Variants in SOX5 observed in about 807,000 individuals in gnomAD.
The protein encoded by SOX5 is SRY-box transcription factor 5, also known as transcription factor SOX-5.
A neutral mutation model predicts 92.0 loss-of-function variants in SOX5; 9 were observed. That is an observed-to-expected ratio of 0.10 (90% CI 0.06 to 0.17). SOX5 has a LOEUF of 0.17. Ranked by LOEUF, SOX5 falls within the 10% of genes least tolerant of loss-of-function variation. SOX5 has a pLI of 1.00. For missense variants in SOX5, 642 were observed against 944.5 expected (o/e 0.68, Z 4.20); for synonymous variants, 344 against 336.3 (o/e 1.02, Z -0.25).
Position 23,871,275 on chromosome 12 carries a change from T to C in SOX5, c.270+24518A>G, listed in dbSNP as rs138074401. Among the ~76,000 whole-genome samples, 339 of 152,320 alleles carry C rather than the reference T, an allele frequency of 2.2e-3. 1 individual carries two copies. Among genetic ancestry groups the C allele is most frequent in the African/African-American group, 7.7e-3 (320 of 41,584 alleles). On this transcript the variant is annotated intron_variant, in intron 2 of 14. Coordinates refer to ENST00000451604, the MANE Select transcript of SOX5 (RefSeq NM_006940.6). ...CTATATGTGTAATTGCTACATTTTA[T>C]GTAACACACAAAATGAATTAACATA...
intron 3 of SOX5, among the ~76,000 whole-genome samples, chr12:23,772,590 G>T (rs369646938): frequency 6.6e-6 from 1 of 152,148 alleles, no homozygotes; most frequent in African/African-American, 2.4e-5. Context: ...TAACCTTTAA[G>T]TGCTTTACAT....
intron 2 of SOX5, among the ~76,000 whole-genome samples, chr12:23,878,121 C>T (rs1011351821): frequency 6.6e-6 from 1 of 151,938 alleles, no homozygotes; most frequent in Non-Finnish European, 1.5e-5. Context: ...ATACTCTTCA[C>T]GCTGTTATTT....
intron 1 of SOX5, among the ~76,000 whole-genome samples, chr12:24,540,579 G>A (rs1483487049): frequency 6.6e-6 from 1 of 151,988 alleles, no homozygotes; most frequent in Non-Finnish European, 1.5e-5. Context: ...AGCCAATTCT[G>A]GTGAATTAAA....
At chr12:23,574,498 CCAGATA>C (rs1163579097) in intron 10 of SOX5, among the ~76,000 whole-genome samples, 1 of 152,182 alleles carries the variant, frequency 6.6e-6, no homozygotes, top group Non-Finnish European at 1.5e-5. Context: ...TTGACCTTTA[CCAGATA>C]CATTCTATTG....
chr12:23,660,238 TAC>T (rs2139291753), intron 7 of SOX5, among the ~76,000 whole-genome samples: 1 of 152,342 alleles, frequency 6.6e-6, no homozygotes, highest in South Asian at 2.1e-4. Flanking sequence ...TTGCTCGTAC[TAC>T]ATTATCTCAG....
At chr12:24,147,455 A>G (rs138858539) in intron 4 of SOX5, among the ~76,000 whole-genome samples, 72 of 152,298 alleles carry the variant, frequency 4.7e-4, no homozygotes, top group African/African-American at 1.7e-3. Context: ...CCTACAAAAA[A>G]CTTACAGGTA....
At chr12:24,157,659 A>G (rs1952331339) in intron 4 of SOX5, among the ~76,000 whole-genome samples, 1 of 152,130 alleles carries the variant, frequency 6.6e-6, no homozygotes, top group Non-Finnish European at 1.5e-5. Context: ...TTCCTATTAG[A>G]CAACCTGTCC....
chr12:23,748,575 C>T (rs1042871325), intron 4 of SOX5, among the ~76,000 whole-genome samples: 1 of 151,814 alleles, frequency 6.6e-6, no homozygotes, highest in African/African-American at 2.4e-5. Context: ...AGTAAACTCA[C>T]TTTAGAAAAA....
At chr12:24,165,762 GAGAA>G in intron 4 of SOX5, among the ~76,000 whole-genome samples, 1 of 152,206 alleles carries the variant, frequency 6.6e-6, no homozygotes, top group Admixed American at 6.5e-5. Flanking sequence ...AGAGGAAGAA[GAGAA>G]AGAAAGGGCT....
At chr12:24,474,476 A>T (rs918109694) in intron 1 of SOX5, among the ~76,000 whole-genome samples, 4 of 152,210 alleles carry the variant, frequency 2.6e-5, no homozygotes, top group Non-Finnish European at 4.4e-5. Flanking sequence ...CTGTGCAAAA[A>T]ATGTAAAAGA....
intron 2 of SOX5, among the ~76,000 whole-genome samples, chr12:24,285,690 T>G (rs546922783): frequency 2.0e-5 from 3 of 152,330 alleles, no homozygotes; most frequent in Admixed American, 2.0e-4. Context: ...ATGTTTAACA[T>G]GTAGTCATTT....
chr12:24,419,083 C>T lies in SOX5; in HGVS notation c.-250-50444G>A, dbSNP rs113040044. ...CACAAAACACTGGATCCCACACCTC[C>T]GCTAGAGTCCTCATTCCTCCTACAT... is the stretch of plus-strand genomic sequence containing the variant. On this transcript the variant is annotated intron_variant, in intron 1 of 4. Transcript: ENST00000446891. 7.0e-3 allele frequency among the ~76,000 whole-genome samples: 1,070 copies of T among 152,206 alleles called. 16 individuals are homozygous for T. Among genetic ancestry groups the T allele is most frequent in the African/African-American group, 0.024 (990 of 41,530 alleles).
At chr12:23,653,628 T>G (rs1189673496) in intron 7 of SOX5, among the ~76,000 whole-genome samples, 1 of 152,096 alleles carries the variant, frequency 6.6e-6, no homozygotes, top group African/African-American at 2.4e-5. Flanking sequence ...ACCAGCAAAT[T>G]CTGGGCCTGA....
chr12:24,370,662 C>G (rs541276831), intron 1 of SOX5, among the ~76,000 whole-genome samples: 1 of 151,396 alleles, frequency 6.6e-6, no homozygotes, highest in Admixed American at 6.6e-5. Flanking sequence ...CGTGGGGGCA[C>G]GCGCGTGTAG....
At chr12:23,848,222 A>C (rs775994918) in intron 2 of SOX5, among the ~76,000 whole-genome samples, 1 of 152,158 alleles carries the variant, frequency 6.6e-6, no homozygotes, top group Non-Finnish European at 1.5e-5. Flanking sequence ...CTGACCTTTA[A>C]TTGCCATAAT....
At chr12:23,601,320 G>A (rs1303173832) in intron 9 of SOX5, among the ~76,000 whole-genome samples, 1 of 152,082 alleles carries the variant, frequency 6.6e-6, no homozygotes, top group Non-Finnish European at 1.5e-5. Context: ...TACCCAGGAA[G>A]AAAGGCAGGC....
chr12:24,095,299 G>C (rs2137862563), intron 4 of SOX5, among the ~76,000 whole-genome samples: 1 of 152,114 alleles, frequency 6.6e-6, no homozygotes, highest in East Asian at 1.9e-4. Flanking sequence ...AAATAGAATT[G>C]TAATTGTCTG....
At chr12:24,203,155 G>A (rs1957695940) in intron 4 of SOX5, among the ~76,000 whole-genome samples, 1 of 151,928 alleles carries the variant, frequency 6.6e-6, no homozygotes, top group Non-Finnish European at 1.5e-5. Context: ...ACAACCTTAT[G>A]GACTATATTG....
At chr12:23,760,934 A>AAAC (rs1376751652) in intron 3 of SOX5, among the ~76,000 whole-genome samples, 1 of 152,144 alleles carries the variant, frequency 6.6e-6, no homozygotes, top group Non-Finnish European at 1.5e-5. Context: ...AAAATCGAAC[A>AAAC]AACAAAAAGT....
Sources: gnomAD v4.1 joint callset for allele counts (sites outside exome capture counted in the v4.1 genomes callset) on GRCh38, gnomAD v4.1.1 for gene constraint, MANE v1.5 for transcripts, NCBI Gene and HGNC (gene_info 2026-07-23, HGNC 2026-07-21) for gene names.